The following NR6A1 variants were observed in gnomAD, a reference collection of about 807,000 sequenced individuals.
NR6A1 encodes the protein retinoic acid receptor-related testis-associated receptor.
Under a neutral mutation model 59.1 loss-of-function variants are expected in NR6A1, and 7 were observed. That is an observed-to-expected ratio of 0.12 (90% CI 0.07 to 0.22). NR6A1 has a LOEUF of 0.22. Ranked by LOEUF, NR6A1 falls within the 10% of genes least tolerant of loss-of-function variation. NR6A1 has a pLI of 1.00. For synonymous variants in NR6A1, 243 were observed against 236.1 expected, an observed-to-expected ratio of 1.03 and a Z score of -0.27; for missense variants, 468 against 611.6, an observed-to-expected ratio of 0.77 and a Z score of 2.48.
intron 2 of NR6A1, among the ~76,000 whole-genome samples, chr9:124,642,822 G>A (rs1372812731): frequency 3.3e-5 from 5 of 152,122 alleles, no homozygotes; most frequent in African/African-American, 1.2e-4. Flanking sequence ...GAGAGAGGGA[G>A]GTAGCAGGGG....
At chr9:124,575,475 G>A (rs1834561815) in intron 2 of NR6A1, among the ~76,000 whole-genome samples, 1 of 152,104 alleles carries the variant, frequency 6.6e-6, no homozygotes, top group African/African-American at 2.4e-5. Flanking sequence ...TCAGGAGGCT[G>A]AGACAGGAGA....
At chr9:124,703,207 A>ATTTTTT (rs80014383) in intron 2 of NR6A1, among the ~76,000 whole-genome samples, 24 of 104,554 alleles carry the variant, frequency 2.3e-4, no homozygotes, top group African/African-American at 9.3e-4. Context: ...ACACGGCCAC[A>ATTTTTT]TTTTTTTTTT....
At chr9:124,612,091 G>A (rs2130844295) in intron 2 of NR6A1, among the ~76,000 whole-genome samples, 1 of 152,210 alleles carries the variant, frequency 6.6e-6, no homozygotes, top group East Asian at 1.9e-4. Context: ...TGATAGCTGA[G>A]CTGTGCAGCT....
intron 1 of NR6A1, among the ~76,000 whole-genome samples, chr9:124,749,037 C>T (rs547242025): frequency 2.9e-4 from 44 of 152,146 alleles, no homozygotes; most frequent in African/African-American, 1.0e-3. Flanking sequence ...CCAAGGCGGG[C>T]GGATCACCTG....
intron 2 of NR6A1, chr9:124,595,921 G>A: frequency 1.3e-6 from 1 of 793,462 alleles, no homozygotes; most frequent in Non-Finnish European, 1.8e-6. Context: ...TTTACAAGCT[G>A]GTCATGTGAT....
chr9:124,715,466 T>C (rs1437829017), intron 2 of NR6A1, among the ~76,000 whole-genome samples: 8 of 152,116 alleles, frequency 5.3e-5, no homozygotes, highest in Admixed American at 4.6e-4. Flanking sequence ...GACCAGGAGT[T>C]TGAGGCTGCA....
At chr9:124,710,005 T>G (rs1045634762) in intron 2 of NR6A1, among the ~76,000 whole-genome samples, 9 of 151,838 alleles carry the variant, frequency 5.9e-5, no homozygotes, top group African/African-American at 2.2e-4. Flanking sequence ...TAAACTAGCT[T>G]GAGAGTGTTT....
intron 2 of NR6A1, among the ~76,000 whole-genome samples, chr9:124,587,509 A>G (rs918284774): frequency 5.3e-5 from 8 of 152,206 alleles, no homozygotes; most frequent in Admixed American, 4.6e-4. Flanking sequence ...AGAAGGACCA[A>G]TTAGTATGCT....
intron 2 of NR6A1, among the ~76,000 whole-genome samples, chr9:124,634,784 T>C (rs560460260): frequency 1.6e-4 from 25 of 152,162 alleles, no homozygotes; most frequent in Non-Finnish European, 3.1e-4. Flanking sequence ...ATCGCGCCAC[T>C]GCACTCCAGC....
intron 2 of NR6A1, among the ~76,000 whole-genome samples, chr9:124,625,592 T>G (rs1244963295): frequency 6.6e-6 from 1 of 152,172 alleles, no homozygotes; most frequent in Non-Finnish European, 1.5e-5. Flanking sequence ...CTAGGTTTTC[T>G]GTTCTTCATT....
intron 2 of NR6A1, among the ~76,000 whole-genome samples, chr9:124,571,311 A>G (rs886457233): frequency 2.0e-5 from 3 of 152,172 alleles, no homozygotes; most frequent in Non-Finnish European, 4.4e-5. Context: ...CAAACATGCA[A>G]TTCTGGAGTT....
intron 1 of NR6A1, among the ~76,000 whole-genome samples, chr9:124,747,121 C>A (rs944097524): frequency 5.3e-5 from 8 of 151,744 alleles, no homozygotes; most frequent in African/African-American, 1.7e-4. Context: ...TGTCCTTCCA[C>A]TGCTGGCAAC....
Position 124,522,735 on chromosome 9 carries a change from A to G in NR6A1, c.1413T>C (p.His471=), listed in dbSNP as rs1832828532. ...QLPLLFKVVL[H]SCKTSVGKE is the part of the protein sequence containing the mutation. ...CCTTGCCCACACTGGTCTTGCAGGA[A>G]TGCAGCACCACCTTAAAGAGGAGGG... Residue 471 remains histidine, a synonymous_variant, in exon 10 of 10, where the codon CAT becomes CAC. Coordinates refer to ENST00000487099, the MANE Select transcript of NR6A1 (RefSeq NM_033334.4). 5.7e-6 allele frequency: 9 copies of G among 1,591,300 alleles called. No individual in the cohort carries two copies. The highest frequency in any genetic ancestry group is 6.8e-6 in the Non-Finnish European group (8 of 1,168,996).
At chr9:124,543,683 A>G in intron 4 of NR6A1, 119 bp downstream of exon 4, 1 of 685,416 alleles carries the variant, frequency 1.5e-6, no homozygotes, top group South Asian at 2.5e-5. Flanking sequence ...TTTTACAGAA[A>G]TGAAAGCAAA....
intron 1 of NR6A1, among the ~76,000 whole-genome samples, chr9:124,743,837 C>G (rs551101842): frequency 6.6e-6 from 1 of 152,110 alleles, no homozygotes; most frequent in Non-Finnish European, 1.5e-5. Flanking sequence ...GAAAACTGCA[C>G]GTACTGATGA....
chr9:124,709,020 G>T lies in NR6A1; in HGVS notation c.142+24288C>A, dbSNP rs370951213. On this transcript the variant is annotated intron_variant, in intron 2 of 9. Transcript: ENST00000487099. ...ACCTGAATATATCTCTCTTCTACTT[G>T]CCAAATGTCAAGCATCAATTAATAC... Among the ~76,000 whole-genome samples, 4 of 152,126 alleles carry T rather than the reference G, an allele frequency of 2.6e-5. No homozygotes were observed. The East Asian group carries it at 7.7e-4, about 29-fold the overall frequency.
At chr9:124,684,381 C>T (rs1838263105) in intron 2 of NR6A1, among the ~76,000 whole-genome samples, 1 of 152,206 alleles carries the variant, frequency 6.6e-6, no homozygotes, top group East Asian at 1.9e-4. Context: ...CCAAGCTCCA[C>T]TTTTTCCAGG....
intron 2 of NR6A1, among the ~76,000 whole-genome samples, chr9:124,557,321 G>T (rs1003392987): frequency 3.3e-5 from 5 of 152,090 alleles, no homozygotes; most frequent in African/African-American, 1.2e-4. Flanking sequence ...TTTCAGTAGA[G>T]ATGGGGTTTC....
In NR6A1 at chr9:124,737,093, G is replaced by C. The variant is rs532830056; in HGVS notation, c.101-3744C>G. Among the ~76,000 whole-genome samples the C allele has an allele frequency of 8.5e-5, 13 of 152,190 alleles. 1 individual carries two copies. Among genetic ancestry groups the C allele is most frequent in the African/African-American group, 2.9e-4 (12 of 41,498 alleles). ...ACTTTGGTTACTTGCTGTGGTTCTT[G>C]AACTTTTACATTTTCAGCCTGTAAA... On this transcript the variant is annotated intron_variant, in intron 1 of 9. Transcript: ENST00000487099.
Sources: allele counts gnomAD v4.1 joint callset (sites outside exome capture counted in the v4.1 genomes callset), GRCh38; gene constraint gnomAD v4.1.1; transcripts MANE v1.5; gene names NCBI Gene and HGNC (gene_info 2026-07-23, HGNC 2026-07-21).